SEMA3E: variants seen among roughly 807,000 people sequenced by gnomAD.
The protein encoded by SEMA3E is semaphorin-3E.
SEMA3E carries 49 observed loss-of-function variants against 93.6 expected under a neutral mutation model. The ratio of observed to expected loss-of-function variants is 0.52; its 90% CI spans 0.42 to 0.66. The LOEUF (loss-of-function observed/expected upper bound fraction) is 0.66, where lower values mean the gene tolerates loss of function less well. Among genes scored for constraint, SEMA3E ranks in the 30% least tolerant of loss-of-function variants. SEMA3E has a pLI of 0.00. For missense variants in SEMA3E, 906 were observed against 964.8 expected (o/e 0.94, Z 0.81); for synonymous variants, 363 against 330.7 (o/e 1.10, Z -1.06).
At chr7:83,597,417 T>A (rs1792898262) in intron 1 of SEMA3E, among the ~76,000 whole-genome samples, 1 of 152,168 alleles carries the variant, frequency 6.6e-6, no homozygotes, top group Non-Finnish European at 1.5e-5. Context: ...TCTGTAATCT[T>A]CTGTATCTGT....
At chr7:83,601,432 CT>C (rs113566090) in intron 1 of SEMA3E, among the ~76,000 whole-genome samples, 64 of 148,062 alleles carry the variant, frequency 4.3e-4, no homozygotes, top group Admixed American at 5.4e-4. Context: ...ATTACTTACT[CT>C]TTTTTTTTTT....
At chr7:83,577,533 G>A (rs192667519) in intron 1 of SEMA3E, among the ~76,000 whole-genome samples, 99 of 152,184 alleles carry the variant, frequency 6.5e-4, no homozygotes, top group Non-Finnish European at 1.2e-3. Flanking sequence ...TTACAGGTAG[G>A]AGAAATCGTT....
chr7:83,420,062 C>T (rs1788642599), intron 4 of SEMA3E, among the ~76,000 whole-genome samples: 1 of 152,098 alleles, frequency 6.6e-6, no homozygotes, highest in Non-Finnish European at 1.5e-5. Context: ...CTGAAAGTCT[C>T]CTAGAACAGA....
chr7:83,434,025 T>C (rs1788945997), intron 4 of SEMA3E, among the ~76,000 whole-genome samples: 1 of 152,114 alleles, frequency 6.6e-6, no homozygotes, highest in Non-Finnish European at 1.5e-5. Flanking sequence ...CATTAGAAAC[T>C]ATATTTTTCA....
chr7:83,605,915 G>A (rs142371331), intron 1 of SEMA3E, among the ~76,000 whole-genome samples: 1,819 of 152,196 alleles, frequency 0.012, 38 homozygotes, highest in African/African-American at 0.039. Context: ...CATTCTGATG[G>A]TAGTTTCTTT....
At chr7:83,466,395 C>A (rs1406886050) in intron 4 of SEMA3E, 87 bp downstream of exon 4, 2 of 1,495,066 alleles carry the variant, frequency 1.3e-6, no homozygotes, top group Non-Finnish European at 9.3e-7. Context: ...TTTTATCTTT[C>A]TTGGGAAGAA....
At chr7:83,456,996 C>A (rs1789497023) in intron 4 of SEMA3E, among the ~76,000 whole-genome samples, 1 of 152,082 alleles carries the variant, frequency 6.6e-6, no homozygotes, top group South Asian at 2.1e-4. Context: ...AATTACTTAT[C>A]CCCTTACTAA....
chr7:83,416,997 A>G (rs898289340), intron 5 of SEMA3E, among the ~76,000 whole-genome samples: 5 of 65,668 alleles, frequency 7.6e-5, no homozygotes, highest in African/African-American at 1.7e-4. Flanking sequence ...ACACACACAC[A>G]CACACACACA....
intron 1 of SEMA3E, among the ~76,000 whole-genome samples, chr7:83,549,343 C>T (rs1380847062): frequency 1.3e-5 from 2 of 152,026 alleles, no homozygotes; most frequent in Non-Finnish European, 2.9e-5. Context: ...ATGGAACAGC[C>T]CATCCATCAG....
At chr7:83,629,579 G>C (rs1178653692) in intron 1 of SEMA3E, among the ~76,000 whole-genome samples, 2 of 152,170 alleles carry the variant, frequency 1.3e-5, no homozygotes, top group African/African-American at 4.8e-5. Context: ...CCCGGTGGCT[G>C]TGTTTATACT....
At chr7:83,634,329 T>A (rs765318096) in intron 1 of SEMA3E, among the ~76,000 whole-genome samples, 5 of 152,160 alleles carry the variant, frequency 3.3e-5, no homozygotes, top group Non-Finnish European at 5.9e-5. Flanking sequence ...TTTTTTAGTT[T>A]TCTCATTTTT....
intron 16 of SEMA3E, among the ~76,000 whole-genome samples, chr7:83,382,829 T>C (rs1787804672): frequency 6.6e-6 from 1 of 151,860 alleles, no homozygotes; most frequent in African/African-American, 2.4e-5. Context: ...ACTGCATATT[T>C]GAGAGAACCA....
intron 2 of SEMA3E, among the ~76,000 whole-genome samples, chr7:83,471,477 T>C (rs987698598): frequency 2.0e-5 from 3 of 151,952 alleles, no homozygotes; most frequent in African/African-American, 7.3e-5. Context: ...GATTGGCAGG[T>C]CGGGTAAATG....
At chr7:83,430,467 C>T (rs985813501) in intron 4 of SEMA3E, among the ~76,000 whole-genome samples, 2 of 151,888 alleles carry the variant, frequency 1.3e-5, no homozygotes, top group African/African-American at 2.4e-5. Flanking sequence ...AAAGAAAAGC[C>T]CAGATGAATA....
At chr7:83,480,490 T>C (rs1275037736) in intron 2 of SEMA3E, among the ~76,000 whole-genome samples, 1 of 152,152 alleles carries the variant, frequency 6.6e-6, no homozygotes, top group Non-Finnish European at 1.5e-5. Context: ...GGGAATGTTT[T>C]TTCTATACTT....
At chr7:83,468,309 GTTGT>G (rs1789815752) in intron 3 of SEMA3E, among the ~76,000 whole-genome samples, 1 of 152,200 alleles carries the variant, frequency 6.6e-6, no homozygotes, top group African/African-American at 2.4e-5. Context: ...GAAAATATGT[GTTGT>G]TTATTTCCAT....
Position 83,466,652 on chromosome 7 carries a change from C to A in SEMA3E, c.337-51G>T, listed in dbSNP as rs2713180. 0.5 allele frequency: 798,220 copies of A among 1,601,812 alleles called. 204,001 individuals carry two copies. The highest frequency in any genetic ancestry group is 0.65 in the East Asian group (29,203 of 44,748). ...ATCTATCAGTATAATAAACATGTTTCGTCCTTTTTGATTTTTGTTTTTCCT... is the reference window on the plus strand; with the variant it reads ...ATCTATCAGTATAATAAACATGTTTAGTCCTTTTTGATTTTTGTTTTTCCT... On this transcript the variant is annotated intron_variant, in intron 3 of 16. Transcript: ENST00000643230.
At chr7:83,455,490 T>C (rs1442747809) in intron 4 of SEMA3E, among the ~76,000 whole-genome samples, 1 of 152,228 alleles carries the variant, frequency 6.6e-6, no homozygotes, top group Non-Finnish European at 1.5e-5. Flanking sequence ...AACCTTTCTT[T>C]AACATGTAAG....
intron 1 of SEMA3E, among the ~76,000 whole-genome samples, chr7:83,554,977 A>AAAATAAATAAATAAAT (rs750652810): frequency 1.0e-4 from 15 of 144,504 alleles, no homozygotes; most frequent in East Asian, 2.0e-4. Flanking sequence ...ACTCCGTCTC[A>AAAATAAATAAATAAAT]AAATAAATAA....
Sources: gnomAD v4.1 joint callset for allele counts (sites outside exome capture counted in the v4.1 genomes callset) on GRCh38, gnomAD v4.1.1 for gene constraint, MANE v1.5 for transcripts, NCBI Gene and HGNC (gene_info 2026-07-23, HGNC 2026-07-21) for gene names.